PTPN18: variants seen among roughly 807,000 people sequenced by gnomAD.
The protein encoded by PTPN18 is tyrosine-protein phosphatase non-receptor type 18.
PTPN18 carries 65 observed loss-of-function variants against 65.4 expected under a neutral mutation model. The observed-to-expected ratio is 0.99, with a 90% CI of 0.81 to 1.22. PTPN18 has a LOEUF of 1.22. Ranked by LOEUF, PTPN18 falls within the 50% of genes most tolerant of loss-of-function variation. The probability of loss-of-function intolerance (pLI) is 0.00; values close to 1 mark genes in which losing one functional copy is unlikely to be tolerated. For missense variants in PTPN18, 616 were observed against 646.5 expected (o/e 0.95, Z 0.51); for synonymous variants, 255 against 267.8 (o/e 0.95, Z 0.47).
intron 1 of PTPN18, chr2:130,356,750 A>G (rs1040710937): frequency 1.5e-5 from 6 of 409,072 alleles, no homozygotes; most frequent in Admixed American, 2.7e-5. Context: ...CAGGCGGTCT[A>G]CCTGGCCCCT....
chr2:130,371,046 G>T, intron 11 of PTPN18, 82 bp downstream of exon 11: 1 of 1,463,960 alleles, frequency 6.8e-7, no homozygotes, highest in Middle Eastern at 1.8e-4. Flanking sequence ...CAGCCCCCGG[G>T]ACTACTGGGA....
chr2:130,372,281 G>T lies in PTPN18; in HGVS notation c.1038G>T (p.Pro346=). 1 of 1,566,500 alleles carries T rather than the reference G, an allele frequency of 6.4e-7. No homozygotes were observed. ...VLRSISVPGS[P]GHAMADTYAV... The stretch of plus-strand genomic sequence containing the variant: ...GGAGCATCTCTGTGCCCGGGTCCCC[G>T]GGCCACGCCATGGCTGACACCTACG... The change falls in exon 13 of 15, where the codon CCG becomes CCT. Residue 346 remains proline, a synonymous_variant. Coordinates refer to ENST00000175756, the MANE Select transcript of PTPN18 (RefSeq NM_014369.4).
intron 2 of PTPN18, 109 bp downstream of exon 2, chr2:130,359,084 C>A (rs1424348915): frequency 1.4e-6 from 2 of 1,442,752 alleles, no homozygotes; most frequent in Admixed American, 1.8e-5. Flanking sequence ...AGAGCCTCAC[C>A]CTCTGCACTG....
In PTPN18 at chr2:130,359,316, G is replaced by T. The variant is rs1298105322; in HGVS notation, c.279+7G>T. 4 of 1,614,090 alleles carry T rather than the reference G, an allele frequency of 2.5e-6. No individual in the cohort carries two copies. In the Admixed American group the frequency reaches 5.0e-5, roughly 20 times the overall value. On this transcript the variant is annotated splice_region_variant and intron_variant, in intron 3 of 14. Transcript: ENST00000175756. ...TAATGGCAACTTCATCCGGGTGAGG[G>T]TTGGGGTCACGGAAGGAGGTGGACT... is the stretch of plus-strand genomic sequence containing the variant.
Position 130,374,780 on chromosome 2 carries a change from TCCTCTG to T in PTPN18, c.*1566_*1571del. 8 of 451,066 alleles carry T rather than the reference TCCTCTG, an allele frequency of 1.8e-5. 1 individual carries two copies. The highest frequency in any genetic ancestry group is 1.3e-4 in the South Asian group (8 of 63,998). The allele number at this position is 451,066 out of a possible 1,614,324, so 27.9% of individuals were successfully genotyped here. A position where few individuals can be genotyped will look rare whatever the true frequency, so the allele number is the denominator to read the frequency against. ...CCCTTCTCTGGGATAGGGCTGGCCT[TCCTCTG>T]CCTCTGCCTGGCTGCATCCATGGTC... On this transcript the variant is annotated 3_prime_UTR_variant, in exon 15 of 15. Transcript: ENST00000175756.
chr2:130,359,897 T>C (rs1307779054), intron 5 of PTPN18: 1 of 548,382 alleles, frequency 1.8e-6, no homozygotes, highest in East Asian at 3.1e-5. Flanking sequence ...TTCTGACTGC[T>C]TCCCCTGTAG....
At chr2:130,356,267 C>G in intron 1 of PTPN18, 67 bp downstream of exon 1, 1 of 1,162,306 alleles carries the variant, frequency 8.6e-7, no homozygotes, top group East Asian at 3.3e-5. Context: ...CTGTCCTCCG[C>G]GCACGGCGGG....
At position 130,369,189 on chromosome 2, in the gene PTPN18, C is replaced by T. The variant is rs759848193; in HGVS notation, c.471C>T (p.Phe157=). ...AGGAGCCACTGCAGACTGGGCTTTT[C>T]TGCATCACTCTGGTGAGCTGTGGGA... is the stretch of plus-strand genomic sequence containing the variant. ...QEQEPLQTGL[F]CITLIKEKWL... is the part of the protein sequence containing the mutation. Residue 157 remains phenylalanine (F), a synonymous_variant, in exon 6 of 15, where the codon TTC becomes TTT. Coordinates refer to ENST00000175756, the MANE Select transcript of PTPN18 (RefSeq NM_014369.4). The T allele has an allele frequency of 3.1e-6, 5 of 1,613,214 alleles. No individual in the cohort carries two copies. Among genetic ancestry groups the T allele is most frequent in the Non-Finnish European group, 4.2e-6 (5 of 1,179,406 alleles).
At chr2:130,370,008 T>C (rs995416278) in intron 7 of PTPN18, 40 bp from the exon 8 acceptor site, 46 of 1,606,568 alleles carry the variant, frequency 2.9e-5, no homozygotes, top group Non-Finnish European at 3.8e-5. Flanking sequence ...TTTTTTCTTT[T>C]TTTTCCTAAG....
chr2:130,359,266 A>G lies in PTPN18; in HGVS notation c.236A>G (p.Gln79Arg), dbSNP rs1444536227. Residue 79 changes from glutamine (Q) to arginine (R), a missense_variant, in exon 3 of 15, where the codon CAG (glutamine) becomes CGG (arginine). This residue lies in a region of PTPN18 where 223 missense variants were observed against 210.0 expected (regional missense o/e 1.06). Transcript: ENST00000175756. ...ACGCGAGTAATCCTCTCCCTGCTCC[A>G]GGAAGAGGGACACAGCGACTACATT... ...DQTRVILSLLQEEGHSDYING... is the reference protein window; with the variant it reads ...DQTRVILSLLREEGHSDYING... The G allele has an allele frequency of 2.5e-6, 4 of 1,614,010 alleles. No homozygotes were observed. Among genetic ancestry groups the G allele is most frequent in the Non-Finnish European group, 3.4e-6 (4 of 1,180,034 alleles).
chr2:130,371,207 C>T lies in PTPN18; in HGVS notation c.933C>T (p.Ala311=). ...PHYQNIKENC[A]PLYDDALFLR... ...CTCCTGTTTTTCTTCAGAATTGTGC[C>T]CCACTCTACGACGATGCCCTCTTCC... Residue 311 remains alanine, a synonymous_variant, in exon 12 of 15, where the codon GCC becomes GCT. Coordinates refer to ENST00000175756, the MANE Select transcript of PTPN18 (RefSeq NM_014369.4). 1.2e-6 allele frequency: 2 copies of T among 1,608,508 alleles called. No individual in the cohort carries two copies. Among genetic ancestry groups the T allele is most frequent in the South Asian group, 1.1e-5 (1 of 90,960 alleles).
rs779785157 is a variant in PTPN18, at chr2:130,372,885, A to G, written c.1253A>G (p.Gln418Arg). The change falls in exon 14 of 15, where the codon CAA (glutamine) becomes CGA (arginine). Residue 418 changes from glutamine (Q) to arginine (R), a missense_variant. By Grantham distance (43) the Gln-to-Arg change is conservative. Around this residue, in one of 3 missense-constraint regions of PTPN18, gnomAD observed 368 missense variants for 386.7 expected, o/e 0.95. Transcript: ENST00000175756. ...GTLPGRVPAD[Q>R]SPAGSGAYED... ...CTGCTGCCCTCAGTTCCTGCTGACC[A>G]AAGTCCTGCCGGATCTGGCGCCTAC... The G allele has an allele frequency of 1.9e-6, 3 of 1,614,156 alleles. No homozygotes were observed. Among genetic ancestry groups the G allele is most frequent in the Non-Finnish European group, 2.5e-6 (3 of 1,180,010 alleles).
In PTPN18 at chr2:130,370,242, T is replaced by C. The variant is rs1293573083; in HGVS notation, c.689+52T>C. The C allele has an allele frequency of 2.5e-6, 4 of 1,600,558 alleles. No individual in the cohort carries two copies. The Admixed American group carries it at 6.7e-5, about 27-fold the overall frequency. On this transcript the variant is annotated intron_variant, in intron 8 of 14. Coordinates refer to ENST00000175756, the MANE Select transcript of PTPN18 (RefSeq NM_014369.4). ...CTGGTGAGGCAGAGGGGACAGAGCA[T>C]GGAGGGGAGTACAGGGCATGGGGCT...
rs527530242 is a variant in PTPN18 at position 130,372,027 on chromosome 2, C to A, written c.1014-230C>A. ...CAGAAATGACCACCCCTCAAACCAA[C>A]ACTCTGCCCCAAATTACCCTCCAGG... is the stretch of plus-strand genomic sequence containing the variant. On this transcript the variant is annotated intron_variant, in intron 12 of 14. Transcript: ENST00000175756. 6.0e-5 allele frequency: 31 copies of A among 515,986 alleles called. No homozygotes were observed. The South Asian group carries it at 7.0e-4, about 12-fold the overall frequency. 32.0% of individuals were successfully genotyped at this position (515,986 alleles called of 1,614,324 possible). A position where few individuals can be genotyped will look rare whatever the true frequency, so the allele number is the denominator to read the frequency against.
chr2:130,359,014 C>A (rs377443032), intron 2 of PTPN18, 39 bp downstream of exon 2: 1 of 1,590,434 alleles, frequency 6.3e-7, no homozygotes, highest in African/African-American at 1.3e-5. Context: ...TGCAGCCTTG[C>A]ACGCCCTGCC....
chr2:130,372,151 C>T, intron 12 of PTPN18, 106 bp from the exon 13 acceptor site: 2 of 1,122,434 alleles, frequency 1.8e-6, no homozygotes, highest in Non-Finnish European at 2.5e-6. Flanking sequence ...TCTAGCGCAC[C>T]GCCTCGGCGG....
rs759606392 is a variant in PTPN18 at position 130,359,380 on chromosome 2, A to T, written c.280-17A>T. ...GGTGGGCCGCAGAATCTCAGTCGTG[A>T]ATTCGGCCTTCACCAGGGCGTGGAT... is the stretch of plus-strand genomic sequence containing the variant. On this transcript the variant is annotated splice_polypyrimidine_tract_variant and intron_variant, in intron 3 of 14. Coordinates refer to ENST00000175756, the MANE Select transcript of PTPN18 (RefSeq NM_014369.4). 2.5e-6 allele frequency: 4 copies of T among 1,614,050 alleles called. No homozygotes were observed. The South Asian group carries it at 4.4e-5, about 18-fold the overall frequency.
intron 1 of PTPN18, among the ~76,000 whole-genome samples, chr2:130,357,585 G>A (rs1388398182): frequency 6.6e-6 from 1 of 152,134 alleles, no homozygotes; most frequent in Non-Finnish European, 1.5e-5. Context: ...GGCCGGGCAC[G>A]GTGGCTCACG....
At chr2:130,371,754 G>A (rs1379525163) in intron 12 of PTPN18, among the ~76,000 whole-genome samples, 2 of 152,224 alleles carry the variant, frequency 1.3e-5, no homozygotes, top group African/African-American at 4.8e-5. Context: ...GGTGGAGGTT[G>A]CAGTAAGCCG....
Sources: gnomAD v4.1 joint callset for allele counts (sites outside exome capture counted in the v4.1 genomes callset) on GRCh38, gnomAD v4.1.1 for gene constraint, gnomAD v4.1.1 regional missense constraint, MANE v1.5 for transcripts, NCBI Gene and HGNC (gene_info 2026-07-23, HGNC 2026-07-21) for gene names.